ARHGEF18: variants seen among roughly 807,000 people sequenced by gnomAD.
ARHGEF18 encodes the protein Rho/Rac guanine nucleotide exchange factor 18.
Under a neutral mutation model 155.7 loss-of-function variants are expected in ARHGEF18, and 93 were observed. That is an observed-to-expected ratio of 0.60 (90% CI 0.50 to 0.71). The LOEUF (loss-of-function observed/expected upper bound fraction) is 0.71, where lower values mean the gene tolerates loss of function less well. Among genes scored for constraint, ARHGEF18 ranks in the 30% least tolerant of loss-of-function variants. The pLI, the probability that ARHGEF18 is intolerant of heterozygous loss-of-function variation, is 0.00. For synonymous variants in ARHGEF18, 742 were observed against 753.1 expected (o/e 0.99, Z 0.24); for missense variants, 1,593 against 1,816.1 (o/e 0.88, Z 2.23).
intron 10 of ARHGEF18, among the ~76,000 whole-genome samples, chr19:7,385,371 T>A (rs1397894892): frequency 6.6e-6 from 1 of 151,960 alleles, no homozygotes; most frequent in Non-Finnish European, 1.5e-5. Flanking sequence ...TAAACTCTGA[T>A]TTGGGGTCAC....
At chr19:7,385,762 C>T (rs1006466751) in intron 10 of ARHGEF18, among the ~76,000 whole-genome samples, 2 of 151,542 alleles carry the variant, frequency 1.3e-5, no homozygotes, top group African/African-American at 2.4e-5. Context: ...AGGCGTGAGC[C>T]ACCGCGCCTG....
At position 7,467,331 on chromosome 19, in the gene ARHGEF18, C is replaced by A; in HGVS notation, c.3127C>A (p.Gln1043Lys). 6.5e-7 allele frequency: 1 copy of A among 1,538,148 alleles called. No homozygotes were observed. Among genetic ancestry groups the A allele is most frequent in the Non-Finnish European group, 8.7e-7 (1 of 1,146,852 alleles). Residue 1043 changes from glutamine to lysine, a missense_variant, in exon 26 of 29, where the codon CAA becomes AAA. Transcript: ENST00000668164. Reference sequence around the variant, plus strand: ...GAACCTGCTGCTGGAGCAGGAGCGGCAACGCAACTTCGAGAAGCAGCGGGA... The same window carrying A: ...GAACCTGCTGCTGGAGCAGGAGCGGAAACGCAACTTCGAGAAGCAGCGGGA... ...RGNLLLEQER[Q>K]RNFEKQREER... is the part of the protein sequence containing the mutation.
intron 8 of ARHGEF18, 88 bp downstream of exon 8, chr19:7,381,082 TG>T (rs1362781767): frequency 2.8e-6 from 3 of 1,056,768 alleles, no homozygotes; most frequent in South Asian, 4.9e-5. Flanking sequence ...CCCCCCATGC[TG>T]GGGGCAGGAG....
At chr19:7,427,361 C>T (rs1973721919) in intron 10 of ARHGEF18, among the ~76,000 whole-genome samples, 1 of 152,158 alleles carries the variant, frequency 6.6e-6, no homozygotes, top group Admixed American at 6.6e-5. Flanking sequence ...GCTGTCTTGG[C>T]CAGGCATGGT....
chr19:7,358,100 G>A (rs11260003), intron 1 of ARHGEF18, among the ~76,000 whole-genome samples: 122,386 of 151,486 alleles, frequency 0.81, 52,450 homozygotes, highest in Non-Finnish European at 0.95. Flanking sequence ...CAACCATGCA[G>A]CCATCCAACT....
intron 22 of ARHGEF18, 80 bp downstream of exon 22, chr19:7,464,035 A>G: frequency 2.1e-6 from 3 of 1,458,700 alleles, no homozygotes; most frequent in Non-Finnish European, 2.7e-6. Flanking sequence ...GTTTCCTAGA[A>G]CTTTCTTTTT....
At chr19:7,408,529 G>T (rs947218936) in intron 10 of ARHGEF18, among the ~76,000 whole-genome samples, 3 of 152,216 alleles carry the variant, frequency 2.0e-5, no homozygotes, top group Non-Finnish European at 2.9e-5. Flanking sequence ...TAAATTTGGC[G>T]AGGGATGCGG....
intron 1 of ARHGEF18, among the ~76,000 whole-genome samples, chr19:7,351,085 T>C (rs1969145763): frequency 6.6e-6 from 1 of 152,172 alleles, no homozygotes; most frequent in Non-Finnish European, 1.5e-5. Context: ...ATTACAGGCA[T>C]GAACCACCTC....
In ARHGEF18 at chr19:7,439,781, C is replaced by T. The variant is rs150854125; in HGVS notation, c.968-563C>T. On this transcript the variant is annotated intron_variant, in intron 10 of 28. Coordinates refer to ENST00000668164, the MANE Select transcript of ARHGEF18 (RefSeq NM_001367823.1). ...ATGTGCGAGGTTTTGGCATGAAGCA[C>T]GCCAGGCTCACCGTTTCATGATCTT... 1.8e-4 allele frequency: 256 copies of T among 1,417,458 alleles called. 2 individuals are homozygous for T. In the East Asian group the frequency reaches 5.7e-3, roughly 31 times the overall value. 87.8% of individuals were successfully genotyped at this position (1,417,458 alleles called of 1,614,324 possible). A position where few individuals can be genotyped will look rare whatever the true frequency, so the allele number is the denominator to read the frequency against.
chr19:7,447,315 C>G (rs547493662), intron 15 of ARHGEF18, 147 bp downstream of exon 15: 99 of 664,048 alleles, frequency 1.5e-4, no homozygotes, highest in Non-Finnish European at 1.9e-4. Flanking sequence ...ATGGTGAAAC[C>G]CCGTCTCTAT....
chr19:7,478,279 G>A, the ARHGEF18 span: 1 of 1,602,652 alleles, frequency 6.2e-7, no homozygotes, highest in Non-Finnish European at 8.5e-7. Flanking sequence ...GCTGGAGGGA[G>A]TGGGCCTCCC....
chr19:7,473,730 A>C (rs900384514), downstream of ARHGEF18, among the ~76,000 whole-genome samples: 12 of 149,992 alleles, frequency 8.0e-5, no homozygotes, highest in South Asian at 1.5e-3. Flanking sequence ...GAATGGCGTG[A>C]ACCCAGGAGG....
intron 2 of ARHGEF18, among the ~76,000 whole-genome samples, chr19:7,371,276 T>C (rs1970194186): frequency 6.6e-6 from 1 of 152,030 alleles, no homozygotes; most frequent in South Asian, 2.1e-4. Flanking sequence ...CTGTGTTTCA[T>C]GGGAACAGAA....
intron 10 of ARHGEF18, among the ~76,000 whole-genome samples, chr19:7,438,132 G>A (rs1171680780): frequency 8.1e-6 from 1 of 123,814 alleles, no homozygotes; most frequent in Non-Finnish European, 1.6e-5. Flanking sequence ...AGAAGGTCCC[G>A]CTCTGTCACC....
At chr19:7,453,275 G>C (rs1197828929) in intron 16 of ARHGEF18, among the ~76,000 whole-genome samples, 192 bp from the exon 17 acceptor site, 1 of 151,608 alleles carries the variant, frequency 6.6e-6, no homozygotes, top group African/African-American at 2.4e-5. Flanking sequence ...CATCTCAGGA[G>C]ATTACATTTG....
chr19:7,350,350 GTCACCTGCAGT>G (rs1969124847), intron 1 of ARHGEF18, among the ~76,000 whole-genome samples: 1 of 152,172 alleles, frequency 6.6e-6, no homozygotes. Flanking sequence ...CCAAGGCCAG[GTCACCTGCAGT>G]TCTGAGAAAA....
At position 7,462,351 on chromosome 19, in the gene ARHGEF18, C is replaced by T; in HGVS notation, c.2635+17C>T. The T allele has an allele frequency of 5.1e-6, 8 of 1,572,602 alleles. No individual in the cohort carries two copies. The highest frequency in any genetic ancestry group is 6.9e-6 in the Non-Finnish European group (8 of 1,160,924). ...TGAGCGAGAGTAAGTTGGCTGCCCA[C>T]ACCTCAAGGGTGCAGTCTTGCCGGG... On this transcript the variant is annotated intron_variant, in intron 21 of 28. Transcript: ENST00000668164. This position sits in a 1 kb window ranked among gnomAD's most constrained non-coding sequence, Gnocchi z 4.4.
intron 10 of ARHGEF18, among the ~76,000 whole-genome samples, chr19:7,419,260 G>T (rs556174421): frequency 8.5e-6 from 1 of 118,290 alleles, no homozygotes; most frequent in South Asian, 2.6e-4. Flanking sequence ...CTCGGCCTCC[G>T]CACCCCAGGT....
chr19:7,466,764 A>G (rs1449464288), intron 23 of ARHGEF18, among the ~76,000 whole-genome samples, 154 bp from the exon 24 acceptor site: 1 of 140,726 alleles, frequency 7.1e-6, no homozygotes, highest in Non-Finnish European at 1.5e-5. Context: ...AGATCGCGCC[A>G]CTGCACTCCA....
Sources: gnomAD v4.1 joint callset for allele counts (sites outside exome capture counted in the v4.1 genomes callset) on GRCh38, gnomAD v4.1.1 for gene constraint, Gnocchi (gnomAD v3.1) non-coding constraint, MANE v1.5 for transcripts, NCBI Gene and HGNC (gene_info 2026-07-23, HGNC 2026-07-21) for gene names.